Variants in UBE2E2 observed in about 807,000 individuals in gnomAD.
The protein encoded by UBE2E2 is ubiquitin conjugating enzyme E2 E2, also known as ubiquitin-conjugating enzyme E2 E2.
Under a neutral mutation model 24.7 loss-of-function variants are expected in UBE2E2, and 6 were observed. That is an observed-to-expected ratio of 0.24 (90% CI 0.13 to 0.48). UBE2E2 has a LOEUF of 0.48. Among genes scored for constraint, UBE2E2 ranks in the 20% least tolerant of loss-of-function variants. The pLI, the probability that UBE2E2 is intolerant of heterozygous loss-of-function variation, is 0.99. For synonymous variants in UBE2E2, 104 were observed against 83.6 expected (o/e 1.24, Z -1.33); for missense variants, 169 against 245.0 (o/e 0.69, Z 2.07).
intron 3 of UBE2E2, among the ~76,000 whole-genome samples, chr3:23,217,524 T>G (rs1386951838): frequency 6.6e-6 from 1 of 152,086 alleles, no homozygotes; most frequent in Non-Finnish European, 1.5e-5. Context: ...TGAACGGAGT[T>G]GCCAAAAGTA....
chr3:23,557,387 T>C (rs1355434505), intron 5 of UBE2E2, among the ~76,000 whole-genome samples: 1 of 152,186 alleles, frequency 6.6e-6, no homozygotes, highest in African/African-American at 2.4e-5. Context: ...TTTATTCCAG[T>C]TTAGGATCTC....
intron 5 of UBE2E2, among the ~76,000 whole-genome samples, chr3:23,577,779 C>G (rs1227778583): frequency 6.6e-6 from 1 of 152,170 alleles, no homozygotes; most frequent in East Asian, 1.9e-4. Context: ...CCTGGCTACA[C>G]AGCTTTAAAG....
At chr3:23,546,066 C>T (rs1292706506) in intron 5 of UBE2E2, among the ~76,000 whole-genome samples, 1 of 152,178 alleles carries the variant, frequency 6.6e-6, no homozygotes, top group Admixed American at 6.5e-5. Flanking sequence ...GTGCACTACT[C>T]ACGTGTAGGT....
chr3:23,389,136 C>T (rs1212488645), intron 3 of UBE2E2, among the ~76,000 whole-genome samples: 1 of 152,208 alleles, frequency 6.6e-6, no homozygotes, highest in African/African-American at 2.4e-5. Flanking sequence ...AAGACGCTTA[C>T]CTCCTCTGCC....
chr3:23,299,326 C>G (rs918648324), intron 3 of UBE2E2, among the ~76,000 whole-genome samples: 7 of 152,128 alleles, frequency 4.6e-5, no homozygotes, highest in South Asian at 2.1e-4. Flanking sequence ...CTTCTGCTAG[C>G]TTTTGAATGT....
At chr3:23,467,610 G>T (rs989319458) in intron 3 of UBE2E2, among the ~76,000 whole-genome samples, 3 of 152,108 alleles carry the variant, frequency 2.0e-5, no homozygotes, top group Non-Finnish European at 4.4e-5. Context: ...ATGGATGGTA[G>T]CTCTTAGTTT....
chr3:23,556,467 A>AAAAAAAAAAAAAAAAAAAAAAAAAAT (rs1695789003), intron 5 of UBE2E2, among the ~76,000 whole-genome samples: 1 of 150,508 alleles, frequency 6.6e-6, no homozygotes, highest in Admixed American at 6.6e-5. Flanking sequence ...AAAAAAAAAA[A>AAAAAAAAAAAAAAAAAAAAAAAAAAT]AAAAAGCTAT....
chr3:23,277,196 GA>G (rs1195001414), intron 3 of UBE2E2, among the ~76,000 whole-genome samples: 1 of 152,084 alleles, frequency 6.6e-6, no homozygotes, highest in Non-Finnish European at 1.5e-5. Context: ...AGTTTTTTAA[GA>G]AGCTGCATTA....
Position 23,392,950 on chromosome 3 carries a change from T to A in UBE2E2, c.228-106658T>A, listed in dbSNP as rs183473228. ...GCAAGTCAGAGTGGCTGAGGACAAG[T>A]ATAGGCCACAAGTGCTAAGTGAGGA... On this transcript the variant is annotated intron_variant, in intron 3 of 5. Coordinates refer to ENST00000396703, the MANE Select transcript of UBE2E2 (RefSeq NM_152653.4). 2.0e-5 allele frequency among the ~76,000 whole-genome samples: 3 copies of A among 152,206 alleles called. No homozygotes were observed. In the East Asian group the frequency reaches 5.8e-4, roughly 29 times the overall value.
intron 4 of UBE2E2, among the ~76,000 whole-genome samples, chr3:23,505,346 C>T (rs1228308403): frequency 6.6e-6 from 1 of 151,966 alleles, no homozygotes. Context: ...TTTCTGTCTC[C>T]CTGTGAATCT....
intron 3 of UBE2E2, among the ~76,000 whole-genome samples, chr3:23,373,955 T>C (rs1294191303): frequency 6.6e-6 from 1 of 151,970 alleles, no homozygotes. Flanking sequence ...AAATGTTTAT[T>C]AAATGTTCTA....
chr3:23,535,829 G>A (rs1024503722), intron 5 of UBE2E2, among the ~76,000 whole-genome samples: 4 of 151,962 alleles, frequency 2.6e-5, no homozygotes, highest in African/African-American at 9.7e-5. Flanking sequence ...CACCGTGTTA[G>A]CCAGGATGGT....
intron 3 of UBE2E2, among the ~76,000 whole-genome samples, chr3:23,446,402 G>C (rs1698430679): frequency 2.0e-5 from 3 of 152,164 alleles, no homozygotes; most frequent in Admixed American, 2.0e-4. Flanking sequence ...TTTCCATTTT[G>C]TGCTAACCAG....
At chr3:23,469,124 G>C (rs1698981108) in intron 3 of UBE2E2, among the ~76,000 whole-genome samples, 1 of 152,162 alleles carries the variant, frequency 6.6e-6, no homozygotes, top group African/African-American at 2.4e-5. Flanking sequence ...AACTGGCATG[G>C]TTGGGTTCTG....
intron 3 of UBE2E2, among the ~76,000 whole-genome samples, chr3:23,278,140 G>A (rs1490228604): frequency 2.0e-5 from 3 of 151,970 alleles, no homozygotes; most frequent in Admixed American, 6.6e-5. Flanking sequence ...GAGAATAACT[G>A]CTTTTCAGAG....
At chr3:23,527,649 A>C (rs998092102) in intron 4 of UBE2E2, among the ~76,000 whole-genome samples, 1 of 152,016 alleles carries the variant, frequency 6.6e-6, no homozygotes, top group Non-Finnish European at 1.5e-5. Context: ...GGGAGAGGAG[A>C]GCATCTGAAA....
At chr3:23,240,385 A>G (rs1697226638) in intron 3 of UBE2E2, among the ~76,000 whole-genome samples, 1 of 152,254 alleles carries the variant, frequency 6.6e-6, no homozygotes, top group African/African-American at 2.4e-5. Flanking sequence ...ACACTTACCA[A>G]ATAAACAGCT....
At chr3:23,565,744 C>G (rs1696058240) in intron 5 of UBE2E2, among the ~76,000 whole-genome samples, 1 of 152,108 alleles carries the variant, frequency 6.6e-6, no homozygotes, top group Non-Finnish European at 1.5e-5. Flanking sequence ...AATGTTTCCC[C>G]TCTCACAGGG....
At chr3:23,560,663 A>G (rs1310058828) in intron 5 of UBE2E2, among the ~76,000 whole-genome samples, 2 of 152,170 alleles carry the variant, frequency 1.3e-5, no homozygotes, top group Non-Finnish European at 1.5e-5. Context: ...CAATGGTTGA[A>G]CTAGTTTACA....
Sources: allele counts gnomAD v4.1 joint callset (sites outside exome capture counted in the v4.1 genomes callset), GRCh38; gene constraint gnomAD v4.1.1; transcripts MANE v1.5; gene names NCBI Gene and HGNC (gene_info 2026-07-23, HGNC 2026-07-21).